The following GAPVD1 variants were observed in gnomAD, a reference collection of about 807,000 sequenced individuals.
GAPVD1 encodes the protein GTPase-activating protein and VPS9 domain-containing protein 1.
Under a neutral mutation model 155.5 loss-of-function variants are expected in GAPVD1, and 35 were observed. That is an observed-to-expected ratio of 0.23 (90% confidence interval 0.17 to 0.30). GAPVD1 has a LOEUF of 0.30. GAPVD1 is among the 10% of genes least tolerant of loss of function. GAPVD1 has a pLI of 1.00. For missense variants in GAPVD1, 1,429 were observed against 1,775.7 expected, an observed-to-expected ratio of 0.80 and a Z score of 3.51; for synonymous variants, 636 against 619.7, an observed-to-expected ratio of 1.03 and a Z score of -0.39.
intron 23 of GAPVD1, among the ~76,000 whole-genome samples, chr9:125,352,082 G>A (rs558628387): frequency 1.3e-5 from 2 of 152,300 alleles, no homozygotes; most frequent in South Asian, 2.1e-4. Context: ...CTGTGGCTTT[G>A]CAGGGTATAG....
At chr9:125,327,055 G>C (rs1157988709) in intron 12 of GAPVD1, among the ~76,000 whole-genome samples, 3 of 152,148 alleles carry the variant, frequency 2.0e-5, no homozygotes, top group African/African-American at 4.8e-5. Flanking sequence ...TTCTGGAAGA[G>C]TTAATTCAGT....
At chr9:125,359,095 C>A (rs1158885509) in intron 25 of GAPVD1, among the ~76,000 whole-genome samples, 1 of 151,992 alleles carries the variant, frequency 6.6e-6, no homozygotes, top group East Asian at 1.9e-4. Flanking sequence ...ACTTTTTCCC[C>A]CCCTCTCCTT....
chr9:125,263,347 G>A (rs1323090996), intron 1 of GAPVD1, among the ~76,000 whole-genome samples: 1 of 152,216 alleles, frequency 6.6e-6, no homozygotes, highest in East Asian at 1.9e-4. Flanking sequence ...TACTTGGGAG[G>A]CTGAGGCAAG....
At chr9:125,269,875 GTCCAGC>G in intron 2 of GAPVD1, among the ~76,000 whole-genome samples, 1 of 151,448 alleles carries the variant, frequency 6.6e-6, no homozygotes, top group Non-Finnish European at 1.5e-5. Context: ...CTGCCACCAT[GTCCAGC>G]TAATTTTTTT....
chr9:125,357,369 A>T (rs970602529), intron 25 of GAPVD1, among the ~76,000 whole-genome samples: 3 of 151,746 alleles, frequency 2.0e-5, no homozygotes, highest in Admixed American at 2.0e-4. Flanking sequence ...ACCTGAGGTC[A>T]GGAGTTCGAG....
chr9:125,347,405 G>T (rs570281992), intron 20 of GAPVD1, among the ~76,000 whole-genome samples: 17 of 152,152 alleles, frequency 1.1e-4, no homozygotes, highest in Non-Finnish European at 2.5e-4. Flanking sequence ...TAGTCCCCAA[G>T]ATAAATGAAG....
chr9:125,329,999 A>G (rs1443462402), intron 12 of GAPVD1, 79 bp from the exon 13 acceptor site: 1 of 1,157,936 alleles, frequency 8.6e-7, no homozygotes, highest in African/African-American at 1.6e-5. Context: ...TTTGTTAGCT[A>G]GTGTTTGGCT....
chr9:125,291,138 A>T (rs1381971076), intron 2 of GAPVD1, among the ~76,000 whole-genome samples: 2 of 152,088 alleles, frequency 1.3e-5, no homozygotes, highest in African/African-American at 4.8e-5. Context: ...AAATAGAAGA[A>T]GATAGCTGGG....
Position 125,354,503 on chromosome 9 carries a change from T to A in GAPVD1, c.3570-151T>A, listed in dbSNP as rs1465402726. On this transcript the variant is annotated intron_variant, in intron 23 of 27. Transcript: ENST00000297933. Reference sequence around the variant, plus strand: ...ATGTCTGCAGCCTGACATGCTACTTTGTATATGTGCTACTGAAGAGAGCAC... The same window carrying A: ...ATGTCTGCAGCCTGACATGCTACTTAGTATATGTGCTACTGAAGAGAGCAC... The A allele has an allele frequency of 5.7e-6, 3 of 529,234 alleles. No homozygotes were observed. The South Asian group carries it at 9.5e-5, about 17-fold the overall frequency. 32.8% of individuals were successfully genotyped at this position (529,234 alleles called of 1,614,324 possible).
chr9:125,298,206 A>AT (rs763250954), intron 3 of GAPVD1, among the ~76,000 whole-genome samples: 5 of 152,194 alleles, frequency 3.3e-5, no homozygotes, highest in Admixed American at 6.5e-5. Context: ...GATTTTAAAT[A>AT]TATTTTGAAG....
At position 125,366,964 on chromosome 9, in the gene GAPVD1, C is replaced by G. The variant is rs951537148; in HGVS notation, c.*4218C>G. 3.3e-5 allele frequency: 5 copies of G among 152,154 alleles called. No homozygotes were observed. Among genetic ancestry groups the G allele is most frequent in the Admixed American group, 1.3e-4 (2 of 15,272 alleles). The allele number at this position is 152,154 out of a possible 1,614,324, so 9.4% of individuals were successfully genotyped here. A position where few individuals can be genotyped will look rare whatever the true frequency, so the allele number is the denominator to read the frequency against. On this transcript the variant is annotated 3_prime_UTR_variant, in exon 28 of 28. Coordinates refer to ENST00000297933, the MANE Select transcript of GAPVD1 (RefSeq NM_001282680.3). ...AGACAGTGTGGGTAGCGGCCATGCA[C>G]TAGGGGAATTCACCTCTGTCAAATT...
At chr9:125,361,116 G>T (rs899737929) in intron 27 of GAPVD1, among the ~76,000 whole-genome samples, 1 of 152,060 alleles carries the variant, frequency 6.6e-6, no homozygotes, top group African/African-American at 2.4e-5. Flanking sequence ...TGATTCGCCC[G>T]CCTCAGCCTC....
intron 1 of GAPVD1, among the ~76,000 whole-genome samples, chr9:125,268,599 A>G (rs911800277): frequency 2.0e-5 from 3 of 150,076 alleles, no homozygotes; most frequent in Non-Finnish European, 2.9e-5. Context: ...TCCCTGTCTC[A>G]AGAGATTCCC....
intron 17 of GAPVD1, 101 bp from the exon 18 acceptor site, chr9:125,341,076 T>C: frequency 4.0e-6 from 3 of 744,412 alleles, no homozygotes; most frequent in East Asian, 2.6e-5. Context: ...CAGAATGAGA[T>C]CCTATCTCAA....
At chr9:125,316,250 A>G (rs964835986) in intron 9 of GAPVD1, among the ~76,000 whole-genome samples, 3 of 152,034 alleles carry the variant, frequency 2.0e-5, no homozygotes, top group Non-Finnish European at 2.9e-5. Flanking sequence ...ACATGTGCAG[A>G]ACGTGCAGGT....
intron 23 of GAPVD1, among the ~76,000 whole-genome samples, chr9:125,353,684 G>A (rs1849622638): frequency 1.3e-5 from 2 of 152,200 alleles, no homozygotes; most frequent in Admixed American, 1.3e-4. Flanking sequence ...ATTTCACATG[G>A]CAGCAGACAA....
At position 125,302,104 on chromosome 9, in the gene GAPVD1, T is replaced by C. The variant is rs750681396; in HGVS notation, c.307T>C (p.Leu103=). 1.9e-6 allele frequency: 3 copies of C among 1,613,900 alleles called. No individual in the cohort carries two copies. Among genetic ancestry groups the C allele is most frequent in the African/African-American group, 2.7e-5 (2 of 74,896 alleles). The change falls in exon 5 of 28, where the codon TTG becomes CTG. Residue 103 remains leucine (L), a synonymous_variant. Transcript: ENST00000297933. The stretch of plus-strand genomic sequence containing the variant: ...TGCTTATGGAGAATTCTTGAGTCGA[T>C]TGAGGGAAAATCCTCGTCTTATTGC... The part of the protein sequence containing the change: ...ETAYGEFLSR[L]RENPRLIASS...
rs1026026968 is a variant in GAPVD1, at chr9:125,351,044, C to T, written c.3569+172C>T. ...CTCACGCTGCTGATAAAGATATACC[C>T]GAGACTAGCCAATTTACCAAAGAAG... On this transcript the variant is annotated intron_variant, in intron 23 of 27. Coordinates refer to ENST00000297933, the MANE Select transcript of GAPVD1 (RefSeq NM_001282680.3). Among the ~76,000 whole-genome samples the T allele has an allele frequency of 7.9e-5, 12 of 152,110 alleles. No individual in the cohort carries two copies. In the East Asian group the frequency reaches 1.3e-3, roughly 17 times the overall value.
intron 2 of GAPVD1, among the ~76,000 whole-genome samples, chr9:125,285,502 A>G (rs1837531297): frequency 7.4e-6 from 1 of 135,822 alleles, no homozygotes; most frequent in East Asian, 2.1e-4. Flanking sequence ...CTGTTGTCCA[A>G]GCTGGAGTGT....
Sources: allele counts gnomAD v4.1 joint callset (sites outside exome capture counted in the v4.1 genomes callset), GRCh38; gene constraint gnomAD v4.1.1; transcripts MANE v1.5; gene names NCBI Gene and HGNC (gene_info 2026-07-23, HGNC 2026-07-21).